CD99: variants seen among roughly 807,000 people sequenced by gnomAD.
CD99 encodes the protein CD99 molecule (Xg blood group), also known as CD99 antigen.
CD99 carries 19 observed loss-of-function variants against 28.4 expected under a neutral mutation model. The observed-to-expected ratio is 0.67, with a 90% CI of 0.47 to 0.98. The LOEUF (loss-of-function observed/expected upper bound fraction) is 0.98, where lower values mean the gene tolerates loss of function less well. CD99 is among the 50% of genes least tolerant of loss of function. The probability of loss-of-function intolerance (pLI) is 0.00; values close to 1 mark genes in which losing one functional copy is unlikely to be tolerated. For synonymous variants in CD99, 103 were observed against 92.1 expected, an observed-to-expected ratio of 1.12 and a Z score of -0.67; for missense variants, 283 against 248.8, an observed-to-expected ratio of 1.14 and a Z score of -0.92.
intron 8 of CD99, among the ~76,000 whole-genome samples, chrX:2,728,834 C>CT (rs1332444102): frequency 0.036 from 4,302 of 119,600 alleles, 203 homozygotes; most frequent in East Asian, 0.17. Context: ...AACTCTCTGG[C>CT]TTTTTTTTTT....
rs1417805016 is a variant in CD99, at chrX:2,717,639, G to C, written c.135G>C (p.Lys45Asn). The change falls in exon 3 of 10, where the codon AAG (lysine) becomes AAC (asparagine). Residue 45 changes from lysine (K) to asparagine (N), a missense_variant. By Grantham distance (94) the Lys-to-Asn change is moderately conservative. Coordinates refer to ENST00000381192, the MANE Select transcript of CD99 (RefSeq NM_002414.5). ...NENKKPTAIP[K>N]KPSAGDDFDL... Reference sequence around the variant, plus strand: ...ACAAGAAACCCACTGCAATCCCCAAGAAACCCAGTGCTGGTGAGAAGGGCT... The same window carrying C: ...ACAAGAAACCCACTGCAATCCCCAACAAACCCAGTGCTGGTGAGAAGGGCT... 1.7e-5 allele frequency: 27 copies of C among 1,613,552 alleles called. No homozygotes were observed. Among genetic ancestry groups the C allele is most frequent in the Non-Finnish European group, 2.1e-5 (25 of 1,179,620 alleles).
intron 1 of CD99, among the ~76,000 whole-genome samples, chrX:2,703,476 C>T (rs1001443455): frequency 1.3e-5 from 2 of 152,114 alleles, no homozygotes; most frequent in African/African-American, 4.8e-5. Context: ...GGTTCATGAC[C>T]TCTGGGAACG....
intron 2 of CD99, among the ~76,000 whole-genome samples, chrX:2,716,750 C>A (rs2048741948): frequency 6.6e-6 from 1 of 152,178 alleles, no homozygotes; most frequent in Admixed American, 6.5e-5. Context: ...TTCCTGACCA[C>A]CTACCCCTTC....
chrX:2,731,970 T>A (rs2049632446), intron 8 of CD99, among the ~76,000 whole-genome samples: 1 of 147,730 alleles, frequency 6.8e-6, no homozygotes, highest in Non-Finnish European at 1.5e-5. Flanking sequence ...ACAAAAAACG[T>A]AAAAAAAAAA....
intron 1 of CD99, among the ~76,000 whole-genome samples, chrX:2,711,386 A>G (rs1379721189): frequency 3.5e-5 from 5 of 143,266 alleles, no homozygotes; most frequent in African/African-American, 5.4e-5. Flanking sequence ...TGTATATAGT[A>G]TGTGTATATA....
intron 1 of CD99, among the ~76,000 whole-genome samples, chrX:2,706,121 A>T (rs1486087335): frequency 6.6e-6 from 1 of 151,380 alleles, no homozygotes; most frequent in East Asian, 1.9e-4. Context: ...GCACTTTGGG[A>T]GGCCGAGGCG....
chrX:2,740,913 T>G lies in CD99; in HGVS notation c.*109T>G, dbSNP rs2050162252. 2 of 1,154,720 alleles carry G rather than the reference T, an allele frequency of 1.7e-6. No homozygotes were observed. The highest frequency in any genetic ancestry group is 1.5e-5 in the African/African-American group (1 of 65,696). 71.5% of individuals were successfully genotyped at this position (1,154,720 alleles called of 1,614,324 possible). ...GAGAGCAGAGATGGAGGCCTTCTGT[T>G]CACGGCGGATTCTTTGTTTTAATCT... On this transcript the variant is annotated 3_prime_UTR_variant, in exon 10 of 10. Coordinates refer to ENST00000381192, the MANE Select transcript of CD99 (RefSeq NM_002414.5).
chrX:2,730,945 AAAAG>A (rs1161633404), intron 8 of CD99, among the ~76,000 whole-genome samples: 22 of 151,622 alleles, frequency 1.5e-4, no homozygotes, highest in South Asian at 4.2e-4. Flanking sequence ...AAAAAAAAAA[AAAAG>A]AGAAAGAAAA....
intron 1 of CD99, among the ~76,000 whole-genome samples, chrX:2,711,277 CGTATATATAGTATGTATATATA>C (rs2048392302): frequency 6.9e-6 from 1 of 145,710 alleles, no homozygotes; most frequent in African/African-American, 2.5e-5. Context: ...ATATATAATT[CGTATATATAGTATGTATATATA>C]GTATATATAG....
chrX:2,697,676 A>G (rs2047640158), intron 1 of CD99, among the ~76,000 whole-genome samples: 1 of 152,074 alleles, frequency 6.6e-6, no homozygotes, highest in African/African-American at 2.4e-5. Context: ...GGGCCAATGG[A>G]CTTGGAGGCA....
At chrX:2,732,575 T>TC in intron 8 of CD99, among the ~76,000 whole-genome samples, 1 of 142,630 alleles carries the variant, frequency 7.0e-6, no homozygotes, top group East Asian at 2.1e-4. Flanking sequence ...CTCTCTCTCT[T>TC]TTCATTCTTT....
intron 1 of CD99, among the ~76,000 whole-genome samples, chrX:2,693,122 A>G (rs1053923353): frequency 6.0e-5 from 9 of 149,494 alleles, no homozygotes; most frequent in African/African-American, 1.2e-4. Context: ...GTCGTTGCAC[A>G]GTTTTTTTGT....
In CD99 at chrX:2,714,507, G is replaced by A. The variant is rs1035289433; in HGVS notation, c.100+53G>A. ...CCCGTCAATATTTTATGTTAACATA[G>A]TATATACAGGCATATCCCAGCCATT... On this transcript the variant is annotated intron_variant, in intron 2 of 9. Transcript: ENST00000381192. 6 of 1,400,714 alleles carry A rather than the reference G, an allele frequency of 4.3e-6. No individual in the cohort carries two copies. In the Admixed American group the frequency reaches 6.9e-5, roughly 16 times the overall value. The allele number at this position is 1,400,714 out of a possible 1,614,324, so 86.8% of individuals were successfully genotyped here.
rs184526372 is a variant in CD99, at chrX:2,708,397, A to G, written c.68-6025A>G. Among the ~76,000 whole-genome samples the G allele has an allele frequency of 5.9e-4, 90 of 151,996 alleles. 1 individual carries two copies. The highest frequency in any genetic ancestry group is 2.1e-3 in the African/African-American group (87 of 41,420). The stretch of plus-strand genomic sequence containing the variant: ...TAAGTGTTAGTCACCCGAGGAGAAA[A>G]TGGTGAGGGTGGGACTCTGTATCTG... On this transcript the variant is annotated intron_variant, in intron 1 of 9. Transcript: ENST00000381192.
intron 8 of CD99, chrX:2,727,162 G>A: frequency 1.4e-6 from 1 of 701,210 alleles, no homozygotes; most frequent in Non-Finnish European, 2.7e-6. Context: ...ACAAAAACCA[G>A]CACAGCGGAT....
intron 8 of CD99, among the ~76,000 whole-genome samples, chrX:2,729,580 G>T (rs1210767361): frequency 6.6e-6 from 1 of 152,128 alleles, no homozygotes; most frequent in Non-Finnish European, 1.5e-5. Flanking sequence ...AATTTAAGAT[G>T]AGATTTGGGT....
At chrX:2,734,661 C>G (rs1243602996) in intron 8 of CD99, among the ~76,000 whole-genome samples, 2 of 147,990 alleles carry the variant, frequency 1.4e-5, no homozygotes, top group Non-Finnish European at 3.0e-5. Flanking sequence ...ATTTGTTTTC[C>G]TTTTTGCTTT....
rs183635468 is a variant in CD99 at position 2,717,691 on chromosome X, C to A, written c.148+39C>A. On this transcript the variant is annotated intron_variant, in intron 3 of 9. Transcript: ENST00000381192. ...CTTCCTAGTATGCAAAGAAAAAGAG[C>A]AAATCATTTTCTCGGACAGCAGGAC... 6.5e-4 allele frequency: 1,017 copies of A among 1,574,818 alleles called. 6 individuals are homozygous for A. The African/African-American group carries it at 0.012, about 19-fold the overall frequency.
intron 1 of CD99, among the ~76,000 whole-genome samples, chrX:2,701,004 T>C (rs1921153550): frequency 6.8e-6 from 1 of 148,054 alleles, no homozygotes; most frequent in African/African-American, 2.5e-5. Flanking sequence ...CATCCACTTA[T>C]CCATGCATTC....
Sources: allele counts gnomAD v4.1 joint callset (sites outside exome capture counted in the v4.1 genomes callset), GRCh38; gene constraint gnomAD v4.1.1; transcripts MANE v1.5; gene names NCBI Gene and HGNC (gene_info 2026-07-23, HGNC 2026-07-21).